The following CACNA1D variants were observed in gnomAD, a reference collection of about 807,000 sequenced individuals.
CACNA1D encodes calcium voltage-gated channel subunit alpha1 D, also known as voltage-dependent L-type calcium channel subunit alpha-1D.
Under a neutral mutation model 257.1 loss-of-function variants are expected in CACNA1D, and 55 were observed. The observed-to-expected ratio is 0.21, with a 90% CI of 0.17 to 0.27. CACNA1D has a LOEUF of 0.27. CACNA1D is among the 10% of genes least tolerant of loss of function. CACNA1D has a pLI of 1.00. For synonymous variants in CACNA1D, 980 were observed against 1,014.9 expected (o/e 0.97, Z 0.65); for missense variants, 1,876 against 2,784.0 (o/e 0.67, Z 7.34).
At chr3:53,694,464 G>A (rs376373823) in intron 8 of CACNA1D, among the ~76,000 whole-genome samples, 2 of 152,168 alleles carry the variant, frequency 1.3e-5, no homozygotes, top group African/African-American at 4.8e-5. Context: ...TGACCTCCCC[G>A]TGAGCCACAG....
intron 3 of CACNA1D, among the ~76,000 whole-genome samples, chr3:53,647,851 G>A (rs748644015): frequency 6.6e-5 from 10 of 152,146 alleles, no homozygotes; most frequent in Non-Finnish European, 1.5e-4. Context: ...CATCATGGTA[G>A]AATCTCTGTA....
At chr3:53,535,500 C>T (rs1486069362) in intron 3 of CACNA1D, among the ~76,000 whole-genome samples, 1 of 152,200 alleles carries the variant, frequency 6.6e-6, no homozygotes, top group Non-Finnish European at 1.5e-5. Context: ...TATTGACTGG[C>T]AGGCTTTACC....
chr3:53,680,912 A>G (rs1369241023), intron 8 of CACNA1D, among the ~76,000 whole-genome samples: 15 of 152,348 alleles, frequency 9.8e-5, no homozygotes, highest in Non-Finnish European at 1.6e-4. Flanking sequence ...CTTGGTATAC[A>G]AAGACCAGTA....
chr3:53,728,023 C>G (rs1387285176), intron 15 of CACNA1D, among the ~76,000 whole-genome samples: 22 of 152,172 alleles, frequency 1.4e-4, no homozygotes, highest in Admixed American at 1.4e-3. Context: ...CAAGAGCCAC[C>G]CCTGCCCTGT....
chr3:53,612,471 A>G (rs1167201578), intron 3 of CACNA1D, among the ~76,000 whole-genome samples: 1 of 152,152 alleles, frequency 6.6e-6, no homozygotes, highest in Non-Finnish European at 1.5e-5. Context: ...ACATCTTTTG[A>G]CTCTGATAGT....
rs893363 is a variant in CACNA1D at position 53,813,035 on chromosome 3, G to A, written c.*1629G>A. 84,127 of 151,888 alleles carry A rather than the reference G, an allele frequency of 0.55. 25,373 individuals carry two copies. Among genetic ancestry groups the A allele is most frequent in the East Asian group, 0.96 (4,973 of 5,172 alleles). The allele number at this position is 151,888 out of a possible 1,614,324, so 9.4% of individuals were successfully genotyped here. A position where few individuals can be genotyped will look rare whatever the true frequency, so the allele number is the denominator to read the frequency against. On this transcript the variant is annotated 3_prime_UTR_variant, in exon 48 of 48. Transcript: ENST00000350061. Reference sequence around the variant, plus strand: ...GTCAACAGAATTAGGCCGACTGTCAGGTTACCTTGGCAGGGATTCCCTGCA... The same window carrying A: ...GTCAACAGAATTAGGCCGACTGTCAAGTTACCTTGGCAGGGATTCCCTGCA...
At chr3:53,653,721 A>G (rs540667734) in intron 4 of CACNA1D, among the ~76,000 whole-genome samples, 3 of 65,198 alleles carry the variant, frequency 4.6e-5, no homozygotes, top group African/African-American at 7.5e-5. Context: ...GTGGTCTAAC[A>G]TATATATATA....
At chr3:53,660,532 T>C (rs1026642011) in intron 5 of CACNA1D, among the ~76,000 whole-genome samples, 3 of 152,072 alleles carry the variant, frequency 2.0e-5, no homozygotes, top group African/African-American at 7.2e-5. Flanking sequence ...CAAGGTGAGG[T>C]GTTGGGGTGA....
At chr3:53,739,430 G>T (rs2095092670) in intron 20 of CACNA1D, among the ~76,000 whole-genome samples, 1 of 152,208 alleles carries the variant, frequency 6.6e-6, no homozygotes, top group South Asian at 2.1e-4. Flanking sequence ...CTTTCCTGGT[G>T]GTCAGACTTC....
intron 20 of CACNA1D, among the ~76,000 whole-genome samples, chr3:53,735,939 A>G (rs1017319212): frequency 1.3e-5 from 2 of 152,206 alleles, no homozygotes; most frequent in Non-Finnish European, 2.9e-5. Context: ...GTTGGAGGCA[A>G]GATGCCTATG....
intron 3 of CACNA1D, among the ~76,000 whole-genome samples, chr3:53,630,396 C>T (rs780425085): frequency 1.3e-5 from 2 of 152,164 alleles, no homozygotes; most frequent in Non-Finnish European, 2.9e-5. Context: ...TGTAACATTG[C>T]TTATCCAGTA....
At chr3:53,701,434 G>C (rs777314309) in intron 8 of CACNA1D, among the ~76,000 whole-genome samples, 1 of 152,166 alleles carries the variant, frequency 6.6e-6, no homozygotes, top group Non-Finnish European at 1.5e-5. Context: ...GCCTGGCTGG[G>C]GTTAGCTTTA....
chr3:53,742,953 C>G, intron 21 of CACNA1D, 58 bp from the exon 22 acceptor site: 3 of 1,086,820 alleles, frequency 2.8e-6, no homozygotes, highest in Non-Finnish European at 4.3e-6. Flanking sequence ...GCAAAGAGCC[C>G]AGGTTTCTTT....
intron 14 of CACNA1D, among the ~76,000 whole-genome samples, chr3:53,725,985 T>G (rs2094930784): frequency 6.6e-6 from 1 of 152,214 alleles, no homozygotes; most frequent in African/African-American, 2.4e-5. Context: ...CTTGAGGTAG[T>G]TTTGTAAATT....
intron 4 of CACNA1D, among the ~76,000 whole-genome samples, chr3:53,651,657 G>A (rs1176417357): frequency 6.6e-6 from 1 of 152,180 alleles, no homozygotes; most frequent in Non-Finnish European, 1.5e-5. Flanking sequence ...CCATGTTACA[G>A]GAATGCTGGG....
intron 8 of CACNA1D, among the ~76,000 whole-genome samples, chr3:53,682,018 A>G (rs76892707): frequency 0.31 from 46,908 of 151,942 alleles, 7,285 homozygotes; most frequent in Middle Eastern, 0.4. Context: ...GGCCGGCAGA[A>G]TCCAGGTCAC....
In CACNA1D at chr3:53,801,357, G is replaced by A. The variant is rs761898552; in HGVS notation, c.5340G>A (p.Val1780=). ...CCAGCATTGGGAACCTTGAGCATGT[G>A]TCTGAAAATGGGCATCATTCTTCCC... ...KRPSIGNLEH[V]SENGHHSSHK... Residue 1780 remains valine (V), a synonymous_variant, in exon 42 of 48, where the codon GTG becomes GTA. Transcript: ENST00000350061. 1.2e-6 allele frequency: 2 copies of A among 1,614,084 alleles called. No homozygotes were observed. Among genetic ancestry groups the A allele is most frequent in the Admixed American group, 1.7e-5 (1 of 60,002 alleles).
At chr3:53,587,424 G>C (rs1407086235) in intron 3 of CACNA1D, among the ~76,000 whole-genome samples, 1 of 152,166 alleles carries the variant, frequency 6.6e-6, no homozygotes, top group African/African-American at 2.4e-5. Context: ...TTACATTACA[G>C]GGTCTTCTCT....
chr3:53,718,419 C>A, intron 10 of CACNA1D, 31 bp downstream of exon 10: 1 of 1,589,838 alleles, frequency 6.3e-7, no homozygotes, highest in South Asian at 1.1e-5. Context: ...CCCTCTTTCC[C>A]CTCCTGTTGT....
Sources: allele counts gnomAD v4.1 joint callset (sites outside exome capture counted in the v4.1 genomes callset), GRCh38; gene constraint gnomAD v4.1.1; transcripts MANE v1.5; gene names NCBI Gene and HGNC (gene_info 2026-07-23, HGNC 2026-07-21).